Variants in NR6A1 observed in about 807,000 individuals in gnomAD.
NR6A1 encodes the protein retinoic acid receptor-related testis-associated receptor.
NR6A1 carries 7 observed loss-of-function variants against 59.1 expected under a neutral mutation model. The observed-to-expected ratio is 0.12, with a 90% CI of 0.07 to 0.22. The LOEUF is 0.22. NR6A1 is among the 10% of genes least tolerant of loss of function. The probability of loss-of-function intolerance (pLI) is 1.00; values close to 1 mark genes in which losing one functional copy is unlikely to be tolerated. For synonymous variants in NR6A1, 243 were observed against 236.1 expected (o/e 1.03, Z -0.27); for missense variants, 468 against 611.6 (o/e 0.77, Z 2.48).
intron 2 of NR6A1, among the ~76,000 whole-genome samples, chr9:124,641,379 A>T (rs556428948): frequency 6.6e-6 from 1 of 151,448 alleles, no homozygotes; most frequent in Non-Finnish European, 1.5e-5. Context: ...AAAAAAGAAA[A>T]GAAGGAAAAG....
intron 2 of NR6A1, chr9:124,598,910 T>G: frequency 1.4e-6 from 1 of 703,276 alleles, no homozygotes; most frequent in Middle Eastern, 3.4e-4. Context: ...GGCCAGCAGC[T>G]CTGGCTTGGG....
intron 1 of NR6A1, among the ~76,000 whole-genome samples, chr9:124,745,752 G>A (rs1318973732): frequency 1.3e-5 from 2 of 151,298 alleles, no homozygotes; most frequent in African/African-American, 4.9e-5. Context: ...AGGCTAAGGC[G>A]GGCAGATCAC....
At chr9:124,656,692 C>A (rs545715816) in intron 2 of NR6A1, among the ~76,000 whole-genome samples, 2 of 152,012 alleles carry the variant, frequency 1.3e-5, no homozygotes, top group Non-Finnish European at 2.9e-5. Flanking sequence ...ACTAGCCAGG[C>A]GTGGTGGTGG....
chr9:124,556,131 T>G (rs541683374), intron 2 of NR6A1, among the ~76,000 whole-genome samples: 7 of 152,246 alleles, frequency 4.6e-5, no homozygotes, highest in African/African-American at 1.7e-4. Flanking sequence ...AATGCTACCT[T>G]ATAAAGGAAA....
intron 2 of NR6A1, among the ~76,000 whole-genome samples, chr9:124,649,989 G>A (rs537566942): frequency 1.3e-5 from 2 of 152,120 alleles, no homozygotes; most frequent in South Asian, 2.1e-4. Context: ...ACTGTTGATG[G>A]GAATGTAAAT....
chr9:124,531,123 T>C (rs1289820862), intron 7 of NR6A1, among the ~76,000 whole-genome samples: 3 of 152,226 alleles, frequency 2.0e-5, no homozygotes, highest in African/African-American at 4.8e-5. Flanking sequence ...TAAAAGCCTG[T>C]TTCCTGAGCC....
At chr9:124,742,106 C>T (rs1840186545) in intron 1 of NR6A1, among the ~76,000 whole-genome samples, 1 of 152,214 alleles carries the variant, frequency 6.6e-6, no homozygotes, top group South Asian at 2.1e-4. Flanking sequence ...TAAAGACCTT[C>T]AACTGTCATA....
intron 2 of NR6A1, among the ~76,000 whole-genome samples, chr9:124,674,722 T>C (rs1837901084): frequency 6.6e-6 from 1 of 152,204 alleles, no homozygotes; most frequent in Non-Finnish European, 1.5e-5. Context: ...GAAATATTCA[T>C]ATACCCATCT....
chr9:124,762,936 G>C (rs1342539238), intron 1 of NR6A1, among the ~76,000 whole-genome samples: 1 of 152,128 alleles, frequency 6.6e-6, no homozygotes, highest in African/African-American at 2.4e-5. Context: ...TTATTTACTG[G>C]CAACCAATAC....
intron 2 of NR6A1, among the ~76,000 whole-genome samples, chr9:124,563,132 T>C (rs1045004902): frequency 1.3e-5 from 2 of 152,194 alleles, no homozygotes; most frequent in African/African-American, 4.8e-5. Flanking sequence ...GTTGAATGAA[T>C]GAATGATCAA....
chr9:124,653,343 C>T (rs1837157601), intron 2 of NR6A1, among the ~76,000 whole-genome samples: 1 of 151,222 alleles, frequency 6.6e-6, no homozygotes, highest in South Asian at 2.1e-4. Context: ...TATGAAAATA[C>T]TAGATGTCAC....
At chr9:124,562,176 C>G (rs182707605) in intron 2 of NR6A1, among the ~76,000 whole-genome samples, 1 of 152,282 alleles carries the variant, frequency 6.6e-6, no homozygotes, top group East Asian at 1.9e-4. Context: ...TCTAAAAGAG[C>G]TGATATAGTT....
intron 1 of NR6A1, among the ~76,000 whole-genome samples, chr9:124,752,720 C>G (rs2131177046): frequency 6.6e-6 from 1 of 151,858 alleles, no homozygotes; most frequent in South Asian, 2.1e-4. Context: ...ATATTTTACA[C>G]CCAACTTCTG....
chr9:124,662,778 C>T (rs991884031), intron 2 of NR6A1, among the ~76,000 whole-genome samples: 7 of 152,194 alleles, frequency 4.6e-5, no homozygotes, highest in Non-Finnish European at 1.0e-4. Context: ...AAAAAAATCT[C>T]ATGTCATATT....
At chr9:124,756,855 G>A (rs4838207) in intron 1 of NR6A1, among the ~76,000 whole-genome samples, 59,085 of 151,888 alleles carry the variant, frequency 0.39, 14,027 homozygotes, top group Admixed American at 0.56. Context: ...AGGCTCTAGG[G>A]TGTCTCTGCC....
intron 2 of NR6A1, among the ~76,000 whole-genome samples, chr9:124,654,714 C>G (rs762333781): frequency 6.6e-6 from 1 of 152,160 alleles, no homozygotes; most frequent in Non-Finnish European, 1.5e-5. Context: ...CATCACCACA[C>G]TACCCTATTT....
intron 2 of NR6A1, chr9:124,658,518 A>G (rs1837329120): frequency 6.6e-6 from 1 of 152,102 alleles, no homozygotes; most frequent in Admixed American, 6.6e-5. Context: ...TTTAACTGAC[A>G]AACTCATTTC....
intron 2 of NR6A1, among the ~76,000 whole-genome samples, chr9:124,577,367 T>C (rs1834632402): frequency 1.3e-5 from 2 of 152,202 alleles, no homozygotes; most frequent in African/African-American, 4.8e-5. Flanking sequence ...TGAGATTCCA[T>C]CACCAGATAC....
At chr9:124,695,614 C>A (rs972978620) in intron 2 of NR6A1, among the ~76,000 whole-genome samples, 2 of 152,122 alleles carry the variant, frequency 1.3e-5, no homozygotes, top group Non-Finnish European at 2.9e-5. Flanking sequence ...AAGTGATCCG[C>A]CCGCCTCGGC....
Sources: allele counts gnomAD v4.1 joint callset (sites outside exome capture counted in the v4.1 genomes callset), GRCh38; gene constraint gnomAD v4.1.1; transcripts MANE v1.5; gene names NCBI Gene and HGNC (gene_info 2026-07-23, HGNC 2026-07-21).